Variants in ZDHHC7 observed in about 807,000 individuals in gnomAD.
The protein encoded by ZDHHC7 is zDHHC palmitoyltransferase 7, also known as palmitoyltransferase ZDHHC7.
In ZDHHC7, 12 loss-of-function variants were observed where a neutral mutation model predicts 34.1. The ratio of observed to expected loss-of-function variants is 0.35; its 90% confidence interval spans 0.23 to 0.57. The LOEUF (loss-of-function observed/expected upper bound fraction) is 0.57. Among genes scored for constraint, ZDHHC7 ranks in the 20% least tolerant of loss-of-function variants. ZDHHC7 has a pLI of 0.84. For missense variants in ZDHHC7, 388 were observed against 402.7 expected (o/e 0.96, Z 0.31); for synonymous variants, 185 against 155.4 (o/e 1.19, Z -1.42).
At chr16:85,019,305 AG>A in the ZDHHC7 span, among the ~76,000 whole-genome samples, 13,943 of 152,204 alleles carry the variant, frequency 0.092, 688 homozygotes, top group East Asian at 0.13. Context: ...CACAAAAGGC[AG>A]GGGGTTTTGT....
intron 3 of ZDHHC7, among the ~76,000 whole-genome samples, chr16:84,989,940 G>C (rs1268160877): frequency 1.3e-5 from 2 of 152,130 alleles, no homozygotes; most frequent in African/African-American, 4.8e-5. Context: ...TCTGTGGGAA[G>C]CCTGGAACTC....
chr16:85,015,262 G>A (rs2072829423), upstream of ZDHHC7, among the ~76,000 whole-genome samples: 2 of 151,922 alleles, frequency 1.3e-5, no homozygotes, highest in South Asian at 4.2e-4. Flanking sequence ...ACCATGCCCA[G>A]CTAATTTTTT....
At chr16:84,997,860 T>C (rs1597554476) in intron 1 of ZDHHC7, among the ~76,000 whole-genome samples, 1 of 114,602 alleles carries the variant, frequency 8.7e-6, no homozygotes, top group Non-Finnish European at 1.7e-5. Flanking sequence ...GCCACTGCAC[T>C]CCATCCAGCC....
chr16:85,018,076 T>C, the ZDHHC7 span, among the ~76,000 whole-genome samples: 4 of 152,116 alleles, frequency 2.6e-5, no homozygotes, highest in African/African-American at 9.7e-5. Flanking sequence ...CCTGGTCACA[T>C]CCAGTGCCAT....
chr16:85,024,388 T>G, the ZDHHC7 span, among the ~76,000 whole-genome samples: 15,333 of 151,450 alleles, frequency 0.1, 946 homozygotes, highest in East Asian at 0.21. Context: ...CGCGCCACCA[T>G]GCCCAGCTAA....
chr16:85,007,381 C>T (rs1290363677), intron 1 of ZDHHC7, among the ~76,000 whole-genome samples: 2 of 149,748 alleles, frequency 1.3e-5, no homozygotes, highest in East Asian at 3.9e-4. Flanking sequence ...CGAGACCACG[C>T]CACCGCACTC....
chr16:84,983,596 A>G (rs1469999964), intron 3 of ZDHHC7, among the ~76,000 whole-genome samples: 1 of 152,210 alleles, frequency 6.6e-6, no homozygotes, highest in Non-Finnish European at 1.5e-5. Flanking sequence ...CATGGCCGCA[A>G]TATGGGGAAG....
chr16:84,987,751 G>C (rs1419741204), intron 3 of ZDHHC7, among the ~76,000 whole-genome samples: 1 of 152,208 alleles, frequency 6.6e-6, no homozygotes, highest in Non-Finnish European at 1.5e-5. Context: ...CCAGAGCATG[G>C]AATATTATTC....
chr16:84,979,283 A>G lies in ZDHHC7; in HGVS notation c.443T>C (p.Ile148Thr). The G allele has an allele frequency of 6.2e-7, 1 of 1,609,662 alleles. No individual in the cohort carries two copies. The highest frequency in any genetic ancestry group is 1.1e-5 in the South Asian group (1 of 89,434). ...IKPERAHHCS[I>T]CKRCIRKMDH... ...CATTTTCCGAATACATCTTTTGCAAATACTGAAAAGGAGAGTTTGATTTTT... is the reference window on the plus strand; with the variant it reads ...CATTTTCCGAATACATCTTTTGCAAGTACTGAAAAGGAGAGTTTGATTTTT... The change falls in exon 5 of 8, where the codon ATT becomes ACT. Residue 148 changes from isoleucine to threonine, a missense_variant and splice_region_variant. Ile to Thr is a moderately conservative substitution (Grantham distance 89). Coordinates refer to ENST00000313732, the MANE Select transcript of ZDHHC7 (RefSeq NM_017740.3).
intron 3 of ZDHHC7, chr16:84,988,833 T>G: frequency 6.4e-7 from 1 of 1,551,792 alleles, no homozygotes; most frequent in Non-Finnish European, 8.7e-7. Context: ...CAGCCCAGTT[T>G]TCACTGTGCA....
chr16:84,990,885 C>T (rs1205506358), intron 2 of ZDHHC7, among the ~76,000 whole-genome samples: 1 of 152,176 alleles, frequency 6.6e-6, no homozygotes, highest in Admixed American at 6.5e-5. Flanking sequence ...TATGGCCAGC[C>T]GTGGCCACAT....
intron 1 of ZDHHC7, among the ~76,000 whole-genome samples, chr16:84,997,561 G>A (rs1201509814): frequency 2.0e-5 from 3 of 150,986 alleles, no homozygotes; most frequent in Admixed American, 6.6e-5. Flanking sequence ...GTGAGACAGC[G>A]CACCCGGCCT....
Position 84,983,134 on chromosome 16 carries a change from G to C in ZDHHC7, c.316-1140C>G, listed in dbSNP as rs1158225725. 4.6e-5 allele frequency among the ~76,000 whole-genome samples: 7 copies of C among 152,336 alleles called. No individual in the cohort carries two copies. The East Asian group carries it at 1.3e-3, about 29-fold the overall frequency. On this transcript the variant is annotated intron_variant, in intron 3 of 7. Coordinates refer to ENST00000313732, the MANE Select transcript of ZDHHC7 (RefSeq NM_017740.3). ...GTGTCTGCCTCTTAGCCTGGATCCT[G>C]CACTTCACGTAGAAATCACAGATCT...
intron 3 of ZDHHC7, among the ~76,000 whole-genome samples, chr16:84,989,346 G>C (rs1318184920): frequency 1.3e-5 from 2 of 152,204 alleles, no homozygotes; most frequent in Non-Finnish European, 2.9e-5. Context: ...AGCAAAGACA[G>C]ATAAAGCCAC....
chr16:84,983,341 C>T (rs1167888590), intron 3 of ZDHHC7, among the ~76,000 whole-genome samples: 1 of 152,162 alleles, frequency 6.6e-6, no homozygotes, highest in Non-Finnish European at 1.5e-5. Context: ...GCAGGTGCCT[C>T]GCTGGGCTCC....
intron 1 of ZDHHC7, among the ~76,000 whole-genome samples, chr16:85,001,343 T>G (rs2072649893): frequency 1.3e-5 from 2 of 151,906 alleles, no homozygotes; most frequent in Admixed American, 6.6e-5. Flanking sequence ...TGGTGGCCAG[T>G]ACCTGTAATC....
intron 1 of ZDHHC7, among the ~76,000 whole-genome samples, chr16:85,010,120 A>C (rs1357192980): frequency 1.3e-5 from 2 of 150,498 alleles, no homozygotes; most frequent in Non-Finnish European, 2.9e-5. Flanking sequence ...CTCAAACTCA[A>C]GTGATCCCCC....
At position 84,974,704 on chromosome 16, in the gene ZDHHC7, T is replaced by C. The variant is rs1016866538; in HGVS notation, c.*1639A>G. On this transcript the variant is annotated 3_prime_UTR_variant, in exon 8 of 8. Transcript: ENST00000313732. ...CAGAACAATCTCGGAAACTGGCGTC[T>C]CCAGGATCACCCACACTTTGTCCCT... 2 of 152,680 alleles carry C rather than the reference T, an allele frequency of 1.3e-5. No homozygotes were observed. The highest frequency in any genetic ancestry group is 1.3e-4 in the Admixed American group (2 of 15,282). The allele number at this position is 152,680 out of a possible 1,614,324, so 9.5% of individuals were successfully genotyped here. A position where few individuals can be genotyped will look rare whatever the true frequency, so the allele number is the denominator to read the frequency against.
the ZDHHC7 span, among the ~76,000 whole-genome samples, chr16:85,021,938 C>T: frequency 6.7e-6 from 1 of 149,206 alleles, no homozygotes; most frequent in African/African-American, 2.5e-5. Flanking sequence ...GGTTGGATCA[C>T]GAGGTCAGGA....
Sources: gnomAD v4.1 joint callset for allele counts (sites outside exome capture counted in the v4.1 genomes callset) on GRCh38, gnomAD v4.1.1 for gene constraint, MANE v1.5 for transcripts, NCBI Gene and HGNC (gene_info 2026-07-23, HGNC 2026-07-21) for gene names.